PAGE3: variants seen among roughly 807,000 people sequenced by gnomAD.
PAGE3 encodes the protein PAGE family member 3, also known as P antigen family member 3.
A neutral mutation model predicts 3.8 loss-of-function variants in PAGE3; 9 were observed. The observed-to-expected ratio is 2.36, with a 90% CI of 1.42 to 4.12. The LOEUF (loss-of-function observed/expected upper bound fraction) is 4.12. Among genes scored for constraint, PAGE3 ranks in the 30% most tolerant of loss-of-function variants. The pLI, the probability that PAGE3 is intolerant of heterozygous loss-of-function variation, is 0.00. For synonymous variants in PAGE3, 24 were observed against 13.1 expected (o/e 1.83, Z -1.79); for missense variants, 73 against 37.8 (o/e 1.93, Z -2.44).
At chrX:55,261,240 A>G (rs1376496999) in intron 3 of PAGE3, among the ~76,000 whole-genome samples, 1 of 111,640 alleles carries the variant, frequency 9.0e-6, no homozygotes. Context: ...TGATCCTGGA[A>G]TCAGAAAAAA....
intron 3 of PAGE3, among the ~76,000 whole-genome samples, chrX:55,262,062 C>T (rs902514421): frequency 9.0e-5 from 10 of 111,288 alleles, no homozygotes; most frequent in African/African-American, 3.3e-4. Flanking sequence ...CGTTGACTTC[C>T]AGCAAGAATA....
At chrX:55,263,948 A>G in intron 1 of PAGE3, 37 bp from the exon 2 acceptor site, 1 of 531,270 alleles carries the variant, frequency 1.9e-6, no homozygotes, top group Non-Finnish European at 3.4e-6. Context: ...AAATGTACAT[A>G]AGAGTGTATC....
chrX:55,264,001 A>G, intron 1 of PAGE3, 90 bp from the exon 2 acceptor site: 1 of 444,074 alleles, frequency 2.3e-6, no homozygotes, highest in Non-Finnish European at 3.9e-6. Flanking sequence ...ATGCAAGCTC[A>G]CGATTACCCT....
chrX:55,261,357 G>A (rs1015462856), intron 3 of PAGE3, among the ~76,000 whole-genome samples: 4 of 111,184 alleles, frequency 3.6e-5, no homozygotes, highest in Non-Finnish European at 7.5e-5. Context: ...TAAACATACA[G>A]GGGTTATCCA....
At chrX:55,262,888 C>T (rs1294411357) in intron 3 of PAGE3, among the ~76,000 whole-genome samples, 1 of 107,591 alleles carries the variant, frequency 9.3e-6, no homozygotes, top group African/African-American at 3.4e-5. Flanking sequence ...GCACTCTACG[C>T]ATGCTATTAA....
At chrX:55,261,400 A>G (rs1368060762) in intron 3 of PAGE3, among the ~76,000 whole-genome samples, 2 of 112,104 alleles carry the variant, frequency 1.8e-5, no homozygotes, top group South Asian at 3.7e-4. Flanking sequence ...AATAGTGGGT[A>G]TGAAATCAAT....
At chrX:55,262,148 C>A (rs1320180282) in intron 3 of PAGE3, among the ~76,000 whole-genome samples, 1 of 111,397 alleles carries the variant, frequency 9.0e-6, no homozygotes, top group East Asian at 2.8e-4. Context: ...TAGTGAATTG[C>A]TAAAATAATC....
intron 1 of PAGE3, 138 bp from the exon 2 acceptor site, chrX:55,264,049 T>C: frequency 2.6e-6 from 1 of 390,748 alleles, no homozygotes. Flanking sequence ...AATTTTTAGG[T>C]ATCATCTAAT....
At chrX:55,261,472 C>T (rs1433053774) in intron 3 of PAGE3, among the ~76,000 whole-genome samples, 2 of 111,371 alleles carry the variant, frequency 1.8e-5, no homozygotes, top group Non-Finnish European at 1.9e-5. Flanking sequence ...TTATAATAAT[C>T]TTGCAACTTT....
chrX:55,261,423 TA>T (rs1187120712), intron 3 of PAGE3, among the ~76,000 whole-genome samples: 1 of 112,145 alleles, frequency 8.9e-6, no homozygotes, highest in Non-Finnish European at 1.9e-5. Context: ...GGCAAAACTC[TA>T]AACATTAGTT....
intron 3 of PAGE3, among the ~76,000 whole-genome samples, chrX:55,261,252 A>G (rs955573085): frequency 9.0e-6 from 1 of 111,546 alleles, no homozygotes; most frequent in African/African-American, 3.3e-5. Context: ...CAGAAAAAAA[A>G]CTATAAGGGA....
In PAGE3 at chrX:55,259,432, C is replaced by T. The variant is rs914276475; in HGVS notation, c.320-904G>A. 2.7e-5 allele frequency among the ~76,000 whole-genome samples: 3 copies of T among 110,786 alleles called. 1 individual carries two copies. The highest frequency in any genetic ancestry group is 5.7e-5 in the Non-Finnish European group (3 of 52,726). On this transcript the variant is annotated intron_variant, in intron 4 of 4. Transcript: ENST00000374951. The stretch of plus-strand genomic sequence containing the variant: ...ATGATGTTTAAATATTCATTTACTA[C>T]TGTGGTATAGTAAATGATTTTATGT...
chrX:55,263,888 T>C lies in PAGE3; in HGVS notation c.16A>G (p.Arg6Gly), dbSNP rs1483560159. ...CTTTCTCTAGATCTGGATCTTGTTCTTTGATGTCCACTCATGTTTCACTCT... is the reference window on the plus strand; with the variant it reads ...CTTTCTCTAGATCTGGATCTTGTTCCTTGATGTCCACTCATGTTTCACTCT... MSGHQ[R>G]TRSRSRERRD... Residue 6 changes from arginine to glycine, a missense_variant, in exon 2 of 5, where the codon AGA becomes GGA. Transcript: ENST00000374951. The C allele has an allele frequency of 3.5e-6, 2 of 566,672 alleles. No homozygotes were observed. Among genetic ancestry groups the C allele is most frequent in the Non-Finnish European group, 6.5e-6 (2 of 308,839 alleles). The allele number at this position is 566,672 out of a possible 1,213,427, so 46.7% of individuals were successfully genotyped here.
chrX:55,263,531 T>C (rs193092081), intron 2 of PAGE3, among the ~76,000 whole-genome samples, 172 bp from the exon 3 acceptor site: 1 of 112,188 alleles, frequency 8.9e-6, no homozygotes, highest in African/African-American at 3.2e-5. Flanking sequence ...AAGAGAAAGT[T>C]ACCCTTAAAA....
chrX:55,263,377 T>A lies in PAGE3; in HGVS notation c.85-18A>T, dbSNP rs764265809. ...TCCTGGGCCTAGGAATATGAGTGCG[T>A]GTGCAAATAAAAAGGTCTGTTATTA... On this transcript the variant is annotated intron_variant, in intron 2 of 4. Coordinates refer to ENST00000374951, the MANE Select transcript of PAGE3 (RefSeq NM_001017931.3). The A allele has an allele frequency of 5.4e-6, 3 of 555,932 alleles. No homozygotes were observed. Among genetic ancestry groups the A allele is most frequent in the Non-Finnish European group, 9.9e-6 (3 of 303,781 alleles). 45.8% of individuals were successfully genotyped at this position (555,932 alleles called of 1,213,427 possible).
At chrX:55,262,798 T>C (rs1396756940) in intron 3 of PAGE3, among the ~76,000 whole-genome samples, 1 of 104,130 alleles carries the variant, frequency 9.6e-6, no homozygotes, top group African/African-American at 3.5e-5. Context: ...TAATCCAAAG[T>C]GTGAATTAGT....
intron 4 of PAGE3, 114 bp from the exon 5 acceptor site, chrX:55,258,642 A>G (rs760031266): frequency 2.1e-6 from 1 of 466,971 alleles, no homozygotes; most frequent in African/African-American, 2.4e-5. Flanking sequence ...TAACAAGGTA[A>G]CCCTCTGGCT....
intron 3 of PAGE3, among the ~76,000 whole-genome samples, chrX:55,262,374 TTCAA>T (rs1179954303): frequency 9.0e-6 from 1 of 111,358 alleles, no homozygotes; most frequent in African/African-American, 3.3e-5. Flanking sequence ...ATACACAAAT[TTCAA>T]TCAAAGTAAA....
intron 2 of PAGE3, 122 bp from the exon 3 acceptor site, chrX:55,263,481 C>T (rs1225181045): frequency 2.4e-6 from 1 of 423,243 alleles, no homozygotes; most frequent in Non-Finnish European, 4.1e-6. Context: ...CATTTTTTTC[C>T]TACACAATTC....
Sources: gnomAD v4.1 joint callset for allele counts (sites outside exome capture counted in the v4.1 genomes callset) on GRCh38, gnomAD v4.1.1 for gene constraint, MANE v1.5 for transcripts, NCBI Gene and HGNC (gene_info 2026-07-23, HGNC 2026-07-21) for gene names.